Variants in SPAG9 observed in about 807,000 individuals in gnomAD.
The protein encoded by SPAG9 is sperm associated antigen 9.
SPAG9 carries 35 observed loss-of-function variants against 166.5 expected under a neutral mutation model. The ratio of observed to expected loss-of-function variants is 0.21; its 90% CI spans 0.16 to 0.28. The LOEUF (loss-of-function observed/expected upper bound fraction) is 0.28, where lower values mean the gene tolerates loss of function less well. Ranked by LOEUF, SPAG9 falls within the 10% of genes least tolerant of loss-of-function variation. SPAG9 has a pLI of 1.00. For synonymous variants in SPAG9, 534 were observed against 565.5 expected, an observed-to-expected ratio of 0.94 and a Z score of 0.79; for missense variants, 1,235 against 1,603.3, an observed-to-expected ratio of 0.77 and a Z score of 3.92.
At chr17:50,999,893 G>T (rs2044854974) in intron 13 of SPAG9, among the ~76,000 whole-genome samples, 176 bp from the exon 14 acceptor site, 1 of 152,150 alleles carries the variant, frequency 6.6e-6, no homozygotes, top group Non-Finnish European at 1.5e-5. Context: ...GCTAAAGATT[G>T]ACTTTAATTC....
intron 24 of SPAG9, among the ~76,000 whole-genome samples, chr17:50,983,336 C>T (rs112574461): frequency 3.5e-4 from 53 of 152,330 alleles, no homozygotes; most frequent in South Asian, 8.3e-4. Flanking sequence ...CAAACTTCTT[C>T]GTTACAGCCC....
intron 1 of SPAG9, among the ~76,000 whole-genome samples, chr17:51,110,079 T>C (rs2049063765): frequency 6.6e-6 from 1 of 152,164 alleles, no homozygotes; most frequent in Non-Finnish European, 1.5e-5. Context: ...TTTTAGGAGA[T>C]AAATATGTTA....
chr17:51,021,086 T>C (rs1354437395), intron 7 of SPAG9, 72 bp downstream of exon 7: 28 of 1,301,196 alleles, frequency 2.2e-5, no homozygotes. Context: ...CACAAAGACA[T>C]ATTTTCTCAT....
chr17:51,098,688 T>C (rs973412067), intron 1 of SPAG9, among the ~76,000 whole-genome samples: 44 of 151,372 alleles, frequency 2.9e-4, no homozygotes, highest in Non-Finnish European at 5.5e-4. Context: ...GAGACGGGGT[T>C]TCTCTGTGTT....
At chr17:51,097,534 G>C (rs919762363) in intron 1 of SPAG9, among the ~76,000 whole-genome samples, 5 of 151,892 alleles carry the variant, frequency 3.3e-5, no homozygotes, top group Non-Finnish European at 5.9e-5. Context: ...AAAAATTATG[G>C]TATCTACATT....
chr17:51,067,176 A>G (rs183155914), intron 2 of SPAG9, among the ~76,000 whole-genome samples: 1 of 152,322 alleles, frequency 6.6e-6, no homozygotes, highest in East Asian at 1.9e-4. Context: ...AAGATCAAAT[A>G]ATACAAATTC....
Position 51,110,279 on chromosome 17 carries a change from G to A in SPAG9, c.303+10075C>T, listed in dbSNP as rs149748607. ...AACAACTACTGAATCTATATAGTGG[G>A]TATACAAATGACAAATGTACTTTCC... On this transcript the variant is annotated intron_variant, in intron 1 of 29. Transcript: ENST00000262013. 3.1e-3 allele frequency among the ~76,000 whole-genome samples: 472 copies of A among 151,162 alleles called. 3 individuals carry two copies. Among genetic ancestry groups the A allele is most frequent in the African/African-American group, 0.011 (445 of 41,154 alleles).
At chr17:51,048,586 G>A (rs1802103933) in intron 3 of SPAG9, among the ~76,000 whole-genome samples, 1 of 151,904 alleles carries the variant, frequency 6.6e-6, no homozygotes, top group East Asian at 1.9e-4. Flanking sequence ...CTTAAAATAT[G>A]CACTGTAGCA....
At chr17:51,058,437 A>G (rs2047417118) in intron 2 of SPAG9, among the ~76,000 whole-genome samples, 1 of 152,230 alleles carries the variant, frequency 6.6e-6, no homozygotes, top group Admixed American at 6.5e-5. Context: ...CCAAAGTCAC[A>G]CAGATAGAAA....
At chr17:51,051,350 C>G (rs1215404046) in intron 3 of SPAG9, among the ~76,000 whole-genome samples, 1 of 151,632 alleles carries the variant, frequency 6.6e-6, no homozygotes, top group African/African-American at 2.4e-5. Context: ...CTCAGATAAT[C>G]CCCCCACCTC....
intron 3 of SPAG9, among the ~76,000 whole-genome samples, chr17:51,048,847 T>C (rs2047102843): frequency 6.6e-6 from 1 of 152,146 alleles, no homozygotes; most frequent in Admixed American, 6.5e-5. Context: ...CAGAATCACA[T>C]GAATATAGTA....
At chr17:51,018,927 T>C in intron 8 of SPAG9, among the ~76,000 whole-genome samples, 1 of 152,190 alleles carries the variant, frequency 6.6e-6, no homozygotes, top group East Asian at 1.9e-4. Flanking sequence ...CTGTCTTTTT[T>C]CCCCTATCTG....
At chr17:51,064,959 T>C (rs554165463) in intron 2 of SPAG9, among the ~76,000 whole-genome samples, 183 of 152,030 alleles carry the variant, frequency 1.2e-3, no homozygotes, top group African/African-American at 4.3e-3. Flanking sequence ...CCGTCTCTAC[T>C]AAAAATACAA....
chr17:51,051,812 T>C (rs879466221), intron 3 of SPAG9, among the ~76,000 whole-genome samples: 3 of 152,198 alleles, frequency 2.0e-5, no homozygotes, highest in African/African-American at 4.8e-5. Flanking sequence ...TTATAGACTC[T>C]TTCTAAACCT....
rs1391871135 is a variant in SPAG9 at position 50,970,785 on chromosome 17, G to T, written c.3772C>A (p.Gln1258Lys). ...LTGDKAGPSA[Q>K]EPGSQTPLKS... ...AAGGGCGTCTGACTACCAGGCTCCT[G>T]TGCAGATGGCCCTGCTTTGTCACCC... The change falls in exon 29 of 30, where the codon CAG becomes AAG. Residue 1258 changes from glutamine (Q) to lysine (K), a missense_variant. By Grantham distance (53) the Gln-to-Lys change is moderately conservative. This residue lies in a region of SPAG9 where 243 missense variants were observed against 358.6 expected (regional missense o/e 0.68). Transcript: ENST00000262013. 1 of 1,613,932 alleles carries T rather than the reference G, an allele frequency of 6.2e-7. No homozygotes were observed. Among genetic ancestry groups the T allele is most frequent in the African/African-American group, 1.3e-5 (1 of 74,896 alleles).
chr17:51,100,708 T>C (rs369015981), intron 1 of SPAG9, among the ~76,000 whole-genome samples: 12 of 152,144 alleles, frequency 7.9e-5, no homozygotes, highest in African/African-American at 2.9e-4. Flanking sequence ...TCAACTGAGG[T>C]TGGGAGTTCC....
At chr17:51,056,227 C>T (rs1187896578) in intron 3 of SPAG9, among the ~76,000 whole-genome samples, 185 bp downstream of exon 3, 2 of 152,072 alleles carry the variant, frequency 1.3e-5, no homozygotes, top group African/African-American at 4.8e-5. Flanking sequence ...AAGCTAATTC[C>T]AAGAAAAGTT....
intron 1 of SPAG9, among the ~76,000 whole-genome samples, chr17:51,105,039 T>G (rs996736993): frequency 6.6e-6 from 1 of 151,500 alleles, no homozygotes; most frequent in Non-Finnish European, 1.5e-5. Flanking sequence ...GAGCTTGCAG[T>G]GAGCCGAGAT....
chr17:51,061,612 C>CAAAAAAAAAAAA lies in SPAG9; in HGVS notation c.425-5142_425-5131dup, dbSNP rs34010166. On this transcript the variant is annotated intron_variant, in intron 2 of 29. Transcript: ENST00000262013. ...GCAACAAGAGCGAAAGCTCTGTCTC[C>CAAAAAAAAAAAA]AAAAAAAAAAAAAAAAAAAAAAAAA... Among the ~76,000 whole-genome samples the CAAAAAAAAAAAA allele has an allele frequency of 1.2e-3, 37 of 31,728 alleles. 1 individual carries two copies. Among genetic ancestry groups the CAAAAAAAAAAAA allele is most frequent in the African/African-American group, 3.6e-3 (35 of 9,618 alleles). 20.8% of individuals were successfully genotyped at this position (31,728 alleles called of 152,430 possible). A position where few individuals can be genotyped will look rare whatever the true frequency, so the allele number is the denominator to read the frequency against.
Sources: allele counts gnomAD v4.1 joint callset (sites outside exome capture counted in the v4.1 genomes callset), GRCh38; gene constraint gnomAD v4.1.1; regional missense constraint gnomAD v4.1.1; transcripts MANE v1.5; gene names NCBI Gene and HGNC (gene_info 2026-07-23, HGNC 2026-07-21).